The following SNX17 variants were observed in gnomAD, a reference collection of about 807,000 sequenced individuals.
SNX17 encodes the protein sorting nexin 17, also known as sorting nexin-17.
In SNX17, 35 loss-of-function variants were observed where a neutral mutation model predicts 64.3. The ratio of observed to expected loss-of-function variants is 0.54; its 90% CI spans 0.42 to 0.72. The LOEUF is 0.72. Ranked by LOEUF, SNX17 falls within the 30% of genes least tolerant of loss-of-function variation. The probability of loss-of-function intolerance (pLI) is 0.00; values close to 1 mark genes in which losing one functional copy is unlikely to be tolerated. For synonymous variants in SNX17, 259 were observed against 230.2 expected, an observed-to-expected ratio of 1.13 and a Z score of -1.13; for missense variants, 538 against 610.0, an observed-to-expected ratio of 0.88 and a Z score of 1.24.
At position 27,375,122 on chromosome 2, in the gene SNX17, A is replaced by T; in HGVS notation, c.743A>T (p.Lys248Ile). ...ACCAAGGAACAGCACCGGCAACTCA[A>T]ATCTCTGCAAGAGAAAGTCTCCAAG... ...LVTKEQHRQL[K>I]SLQEKVSKKE... Residue 248 changes from lysine to isoleucine, a missense_variant, in exon 9 of 15, where the codon AAA (lysine) becomes ATA (isoleucine). Lys to Ile is a moderately radical substitution (Grantham distance 102, BLOSUM62 -3). This residue lies in a region of SNX17 where 505 missense variants were observed against 550.4 expected (regional missense o/e 0.92). Coordinates refer to ENST00000233575, the MANE Select transcript of SNX17 (RefSeq NM_014748.4). The surrounding 1 kb of genome is among the most constrained non-coding windows in gnomAD (Gnocchi z 4.1). 1.2e-6 allele frequency: 2 copies of T among 1,614,074 alleles called. No homozygotes were observed. The highest frequency in any genetic ancestry group is 1.7e-6 in the Non-Finnish European group (2 of 1,180,004).
Position 27,375,164 on chromosome 2 carries a change from C to T in SNX17, c.774+11C>T, listed in dbSNP as rs1450814609. On this transcript the variant is annotated intron_variant, in intron 9 of 14. Coordinates refer to ENST00000233575, the MANE Select transcript of SNX17 (RefSeq NM_014748.4). The surrounding 1 kb of genome is among the most constrained non-coding windows in gnomAD (Gnocchi z 4.1). ...GTCTCCAAGAAGGAGGTGAGCCCTG[C>T]CTCCTCTCTGTCTTCCTCTAAGGGC... The T allele has an allele frequency of 1.9e-6, 3 of 1,612,018 alleles. No individual in the cohort carries two copies. Among genetic ancestry groups the T allele is most frequent in the Admixed American group, 1.7e-5 (1 of 60,018 alleles).
At chr2:27,371,623 C>G (rs1243076853) in intron 2 of SNX17, 2 of 338,766 alleles carry the variant, frequency 5.9e-6, no homozygotes, top group Non-Finnish European at 1.0e-5. Context: ...AAACCAACCC[C>G]TCCCCCCACT....
chr2:27,376,884 T>G lies in SNX17; in HGVS notation c.*165T>G. On this transcript the variant is annotated 3_prime_UTR_variant, in exon 15 of 15. Coordinates refer to ENST00000233575, the MANE Select transcript of SNX17 (RefSeq NM_014748.4). ...TCGTATCCTACCTTTCCTTGTCCCC[T>G]GGGCTGGCTGCACAGAGGATTGCCC... The G allele has an allele frequency of 3.2e-6, 2 of 622,106 alleles. No homozygotes were observed. Among genetic ancestry groups the G allele is most frequent in the Non-Finnish European group, 2.8e-6 (1 of 354,110 alleles). The allele number at this position is 622,106 out of a possible 1,614,324, so 38.5% of individuals were successfully genotyped here.
Position 27,370,704 on chromosome 2 carries a change from C to T in SNX17, c.-40C>T. On this transcript the variant is annotated 5_prime_UTR_variant, in exon 1 of 15. Coordinates refer to ENST00000233575, the MANE Select transcript of SNX17 (RefSeq NM_014748.4). ...GGGAGCGTGCAGAGCCGCTGCGGCC[C>T]TCACAGTCCGGAGCCCGGCCGTGCC... 1 of 1,524,574 alleles carries T rather than the reference C, an allele frequency of 6.6e-7. No homozygotes were observed. The highest frequency in any genetic ancestry group is 8.8e-7 in the Non-Finnish European group (1 of 1,130,044). The allele number at this position is 1,524,574 out of a possible 1,614,324, so 94.4% of individuals were successfully genotyped here. A position where few individuals can be genotyped will look rare whatever the true frequency, so the allele number is the denominator to read the frequency against.
chr2:27,373,334 G>T, intron 4 of SNX17, 23 bp downstream of exon 4: 1 of 1,613,642 alleles, frequency 6.2e-7, no homozygotes, highest in Non-Finnish European at 8.5e-7. Flanking sequence ...GTGGGACCAA[G>T]ATTTAAGGAA....
At position 27,377,153 on chromosome 2, in the gene SNX17, T is replaced by C. The variant is rs1400505138; in HGVS notation, c.*434T>C. ...ACCTCTGGTTCCCTCTCACTGCCCC[T>C]GCTTCCCCCATCACAGCATGGACTA... On this transcript the variant is annotated 3_prime_UTR_variant, in exon 15 of 15. Transcript: ENST00000233575. The surrounding 1 kb of genome is among the most constrained non-coding windows in gnomAD (Gnocchi z 4.4). 2.9e-5 allele frequency: 12 copies of C among 420,394 alleles called. No homozygotes were observed. Among genetic ancestry groups the C allele is most frequent in the Non-Finnish European group, 4.5e-5 (10 of 224,676 alleles). 26.0% of individuals were successfully genotyped at this position (420,394 alleles called of 1,614,324 possible).
intron 1 of SNX17, 52 bp downstream of exon 1, chr2:27,370,858 C>T (rs1386244658): frequency 1.1e-5 from 17 of 1,518,452 alleles, no homozygotes; most frequent in Non-Finnish European, 1.3e-5. Flanking sequence ...GGATAACGGG[C>T]CCGAGCCATC....
rs1032624599 is a variant in SNX17, at chr2:27,370,774, C to G, written c.31C>G (p.Arg11Gly). MHFSIPETES[R>G]SGDSGGSAYV... is the part of the protein sequence containing the mutation. ...CTTTTCCATTCCCGAAACCGAGTCC[C>G]GCAGCGGGGACAGCGGCGGCTCCGC... Residue 11 changes from arginine (R) to glycine (G), a missense_variant, in exon 1 of 15, where the codon CGC (arginine) becomes GGC (glycine). Transcript: ENST00000233575. The G allele has an allele frequency of 6.5e-6, 10 of 1,547,740 alleles. No homozygotes were observed. The highest frequency in any genetic ancestry group is 2.6e-6 in the Non-Finnish European group (3 of 1,146,568).
chr2:27,376,456 C>T (rs1683245944), intron 13 of SNX17, 23 bp from the exon 14 acceptor site: 11 of 1,614,062 alleles, frequency 6.8e-6, no homozygotes, highest in African/African-American at 2.7e-5. Context: ...GAGTTTCTGA[C>T]ACCTCTGCCT....
At position 27,376,749 on chromosome 2, in the gene SNX17, C is replaced by T; in HGVS notation, c.*30C>T. The T allele has an allele frequency of 1.3e-6, 2 of 1,580,000 alleles. No homozygotes were observed. The highest frequency in any genetic ancestry group is 1.7e-6 in the Non-Finnish European group (2 of 1,150,214). On this transcript the variant is annotated 3_prime_UTR_variant, in exon 15 of 15. Transcript: ENST00000233575. Reference sequence around the variant, plus strand: ...CACTGCTTGGATGTCTGCCCTCTACCCCAGAGGAATTTACAGAAACTTGCC... The same window carrying T: ...CACTGCTTGGATGTCTGCCCTCTACTCCAGAGGAATTTACAGAAACTTGCC...
At chr2:27,373,524 G>C in intron 4 of SNX17, 1 of 566,896 alleles carries the variant, frequency 1.8e-6, no homozygotes, top group Admixed American at 3.1e-5. Flanking sequence ...CACCATGTCC[G>C]GCTCATTTTT....
chr2:27,373,997 C>T (rs771075675), intron 5 of SNX17, 26 bp downstream of exon 5: 10 of 1,610,230 alleles, frequency 6.2e-6, no homozygotes, highest in Non-Finnish European at 6.8e-6. Context: ...AGCACTGCCC[C>T]TTCTTCCCCT....
In SNX17 at chr2:27,375,719, G is replaced by C. The variant is rs376950769; in HGVS notation, c.978+10G>C. On this transcript the variant is annotated intron_variant, in intron 10 of 14. Transcript: ENST00000233575. This position sits in a 1 kb window ranked among gnomAD's most constrained non-coding sequence, Gnocchi z 4.1. ...GCGGGTCACCTCCTCTGTGAGTCGGGTTAGGAGGGGGAAGGGCCTGGGTTG... is the reference window on the plus strand; with the variant it reads ...GCGGGTCACCTCCTCTGTGAGTCGGCTTAGGAGGGGGAAGGGCCTGGGTTG... The C allele has an allele frequency of 2.7e-5, 43 of 1,613,714 alleles. No homozygotes were observed. The African/African-American group carries it at 4.7e-4, about 17-fold the overall frequency.
At chr2:27,371,235 A>G (rs1227454653) in intron 1 of SNX17, 34 bp from the exon 2 acceptor site, 22 of 1,604,022 alleles carry the variant, frequency 1.4e-5, no homozygotes, top group Admixed American at 3.3e-5. Flanking sequence ...GCAGACCGCA[A>G]CCCTAAAATG....
chr2:27,370,838 G>T, intron 1 of SNX17, 32 bp downstream of exon 1: 1 of 1,532,442 alleles, frequency 6.5e-7, no homozygotes. Context: ...GCCGGGCCGG[G>T]CAGGGGCGGG....
chr2:27,376,559 G>A (rs757782199), intron 14 of SNX17, 39 bp downstream of exon 14: 1 of 1,614,120 alleles, frequency 6.2e-7, no homozygotes, highest in Non-Finnish European at 8.5e-7. Context: ...TTTGTTGGGG[G>A]ATCTTGCACG....
rs1683116137 is a variant in SNX17 at position 27,375,619 on chromosome 2, G to A, written c.888G>A (p.Glu296=). ...CPVVVSAGNS[E]LSLQLRLPGQ... ...TGGTGGTGAGCGCGGGCAACAGTGA[G>A]CTCAGCCTGCAGCTCCGCCTGCCTG... Residue 296 remains glutamate (E), a synonymous_variant, in exon 10 of 15, where the codon GAG becomes GAA. Coordinates refer to ENST00000233575, the MANE Select transcript of SNX17 (RefSeq NM_014748.4). The surrounding 1 kb of genome is among the most constrained non-coding windows in gnomAD (Gnocchi z 4.1). The A allele has an allele frequency of 6.2e-7, 1 of 1,614,212 alleles. No homozygotes were observed. Among genetic ancestry groups the A allele is most frequent in the Non-Finnish European group, 8.5e-7 (1 of 1,180,038 alleles).
At chr2:27,371,630 C>A (rs1317834687) in intron 2 of SNX17, 6 of 315,016 alleles carry the variant, frequency 1.9e-5, no homozygotes, top group Non-Finnish European at 3.4e-5. Context: ...CCCCTCCCCC[C>A]ACTACCTCCA....
At position 27,375,387 on chromosome 2, in the gene SNX17, C is replaced by G. The variant is rs1469115923; in HGVS notation, c.775-119C>G. 13 of 1,059,888 alleles carry G rather than the reference C, an allele frequency of 1.2e-5. No homozygotes were observed. The East Asian group carries it at 3.2e-4, about 26-fold the overall frequency. 65.7% of individuals were successfully genotyped at this position (1,059,888 alleles called of 1,614,324 possible). Reference sequence around the variant, plus strand: ...GCTCCTGACCTTGTGATCTGTCTGCCTCTGCCTCCTAAAGTGCTGGGATTA... The same window carrying G: ...GCTCCTGACCTTGTGATCTGTCTGCGTCTGCCTCCTAAAGTGCTGGGATTA... On this transcript the variant is annotated intron_variant, in intron 9 of 14. Coordinates refer to ENST00000233575, the MANE Select transcript of SNX17 (RefSeq NM_014748.4). This position sits in a 1 kb window ranked among gnomAD's most constrained non-coding sequence, Gnocchi z 4.1.
Sources: allele counts gnomAD v4.1 joint callset, GRCh38; gene constraint gnomAD v4.1.1; regional missense constraint gnomAD v4.1.1; non-coding constraint Gnocchi (gnomAD v3.1); transcripts MANE v1.5; gene names NCBI Gene and HGNC (gene_info 2026-07-23, HGNC 2026-07-21).